The following LRP3 variants were observed in gnomAD, a reference collection of about 807,000 sequenced individuals.
LRP3 encodes the protein low-density lipoprotein receptor-related protein 3.
In LRP3, 49 loss-of-function variants were observed where a neutral mutation model predicts 58.5. The ratio of observed to expected loss-of-function variants is 0.84; its 90% CI spans 0.67 to 1.06. The LOEUF (loss-of-function observed/expected upper bound fraction) is 1.06. LRP3 is among the 50% of genes least tolerant of loss of function. LRP3 has a pLI of 0.00. For missense variants in LRP3, 1,019 were observed against 1,134.2 expected (o/e 0.90, Z 1.46); for synonymous variants, 485 against 492.2 (o/e 0.99, Z 0.20).
At chr19:33,203,437 G>A (rs2145454146) in intron 3 of LRP3, among the ~76,000 whole-genome samples, 1 of 152,346 alleles carries the variant, frequency 6.6e-6, no homozygotes, top group African/African-American at 2.4e-5. Context: ...GCACATGTAT[G>A]TGCACGAGCC....
At position 33,204,742 on chromosome 19, in the gene LRP3, C is replaced by T. The variant is rs761715674; in HGVS notation, c.365C>T (p.Ser122Phe). The T allele has an allele frequency of 6.2e-7, 1 of 1,612,420 alleles. No individual in the cohort carries two copies. Among genetic ancestry groups the T allele is most frequent in the Admixed American group, 1.7e-5 (1 of 60,026 alleles). The change falls in exon 4 of 7, where the codon TCC becomes TTC. Residue 122 changes from serine to phenylalanine, a missense_variant. By Grantham distance (155) the Ser-to-Phe change is radical (BLOSUM62 -2). Around this residue, in one of 2 missense-constraint regions of LRP3, gnomAD observed 592 missense variants for 725.5 expected, o/e 0.82. Transcript: ENST00000253193. ...PRQEAFRLCGSAIPPAFISAR... is the reference protein window; with the variant it reads ...PRQEAFRLCGFAIPPAFISAR... Reference sequence around the variant, plus strand: ...CAGGAGGCCTTCCGCCTCTGTGGCTCCGCCATCCCACCTGCCTTCATCTCT... The same window carrying T: ...CAGGAGGCCTTCCGCCTCTGTGGCTTCGCCATCCCACCTGCCTTCATCTCT...
Position 33,208,609 on chromosome 19 carries a change from G to A in LRP3, c.*1034G>A, listed in dbSNP as rs1974458542. ...CCAGCAACATGTGTGCACCCACCGA[G>A]GTACGCCCCAGCCACTCCCATCTGT... On this transcript the variant is annotated 3_prime_UTR_variant, in exon 7 of 7. Transcript: ENST00000253193. The surrounding 1 kb of genome is among the most constrained non-coding windows in gnomAD (Gnocchi z 4.7). 2.0e-6 allele frequency: 1 copy of A among 500,658 alleles called. No homozygotes were observed. Among genetic ancestry groups the A allele is most frequent in the Non-Finnish European group, 3.6e-6 (1 of 277,362 alleles). The allele number at this position is 500,658 out of a possible 1,614,324, so 31.0% of individuals were successfully genotyped here.
Position 33,207,079 on chromosome 19 carries a change from G to A in LRP3, c.1817G>A (p.Arg606His), listed in dbSNP as rs1192833824. 8.0e-6 allele frequency: 12 copies of A among 1,508,852 alleles called. No homozygotes were observed. The highest frequency in any genetic ancestry group is 5.7e-5 in the African/African-American group (4 of 70,426). 93.5% of individuals were successfully genotyped at this position (1,508,852 alleles called of 1,614,324 possible). A position where few individuals can be genotyped will look rare whatever the true frequency, so the allele number is the denominator to read the frequency against. Residue 606 changes from arginine to histidine, a missense_variant, in exon 7 of 7, where the codon CGC becomes CAC. Arg to His is a conservative substitution (Grantham distance 29). Coordinates refer to ENST00000253193, the MANE Select transcript of LRP3 (RefSeq NM_002333.4). Reference sequence around the variant, plus strand: ...GGGCCCTCCCGCCGCCGCCTCGGCCGCCTCTGGAACCGGCTCTTTCACCGG... The same window carrying A: ...GGGCCCTCCCGCCGCCGCCTCGGCCACCTCTGGAACCGGCTCTTTCACCGG... ...RRGPSRRRLG[R>H]LWNRLFHRPR...
At position 33,207,851 on chromosome 19, in the gene LRP3, C is replaced by T. The variant is rs1974445785; in HGVS notation, c.*276C>T. The T allele has an allele frequency of 1.9e-6, 1 of 513,362 alleles. No individual in the cohort carries two copies. Among genetic ancestry groups the T allele is most frequent in the East Asian group, 3.5e-5 (1 of 28,502 alleles). 31.8% of individuals were successfully genotyped at this position (513,362 alleles called of 1,614,324 possible). A position where few individuals can be genotyped will look rare whatever the true frequency, so the allele number is the denominator to read the frequency against. On this transcript the variant is annotated 3_prime_UTR_variant, in exon 7 of 7. Transcript: ENST00000253193. Reference sequence around the variant, plus strand: ...CTCTCCCCCCACTCCATTCTGGGAACCCATTTCCAGAGAAGCAGGGGACCA... The same window carrying T: ...CTCTCCCCCCACTCCATTCTGGGAATCCATTTCCAGAGAAGCAGGGGACCA...
rs990288501 is a variant in LRP3 at position 33,205,528 on chromosome 19, C to T, written c.758C>T (p.Ala253Val). The T allele has an allele frequency of 1.3e-5, 21 of 1,567,400 alleles. No individual in the cohort carries two copies. Among genetic ancestry groups the T allele is most frequent in the East Asian group, 4.6e-5 (2 of 43,658 alleles). ...GATGAGGCGGGCTGCCCCGACCTGG[C>T]GTGCGGCCGGCGGCTGGGCAGCTTC... Reference protein sequence around the residue: ...GSDEAGCPDLACGRRLGSFYG... With the variant: ...GSDEAGCPDLVCGRRLGSFYG... Residue 253 changes from alanine to valine, a missense_variant, in exon 5 of 7, where the codon GCG becomes GTG. By Grantham distance (64) the Ala-to-Val change is moderately conservative (BLOSUM62 0). Transcript: ENST00000253193.
chr19:33,206,929 A>G, intron 6 of LRP3, 59 bp from the exon 7 acceptor site: 1 of 1,306,748 alleles, frequency 7.7e-7, no homozygotes, highest in East Asian at 2.7e-5. Context: ...CCTGCCCCTG[A>G]GCAGCCTGTC....
chr19:33,200,556 C>T (rs1290430024), intron 2 of LRP3, among the ~76,000 whole-genome samples: 3 of 152,218 alleles, frequency 2.0e-5, no homozygotes, highest in Non-Finnish European at 2.9e-5. Flanking sequence ...CACCCTACAC[C>T]TCCCAAGGAA....
chr19:33,207,469 C>T lies in LRP3; in HGVS notation c.2207C>T (p.Thr736Ile), dbSNP rs746463064. Residue 736 changes from threonine to isoleucine, a missense_variant, in exon 7 of 7, where the codon ACC becomes ATC. Thr to Ile is a moderately conservative substitution (Grantham distance 89). Coordinates refer to ENST00000253193, the MANE Select transcript of LRP3 (RefSeq NM_002333.4). ...PHPQVSTASS[T>I]LGPHSPEPLG... Reference sequence around the variant, plus strand: ...CCCCAGGTCTCCACTGCCAGCAGCACCCTGGGCCCCCACTCGCCAGAGCCA... The same window carrying T: ...CCCCAGGTCTCCACTGCCAGCAGCATCCTGGGCCCCCACTCGCCAGAGCCA... The T allele has an allele frequency of 6.3e-7, 1 of 1,599,834 alleles. No individual in the cohort carries two copies. Among genetic ancestry groups the T allele is most frequent in the South Asian group, 1.1e-5 (1 of 90,094 alleles).
intron 1 of LRP3, among the ~76,000 whole-genome samples, chr19:33,195,164 A>G (rs1176397201): frequency 1.3e-5 from 2 of 152,052 alleles, no homozygotes; most frequent in Non-Finnish European, 2.9e-5. Flanking sequence ...CTGAGCCTGG[A>G]GACGAGGGGG....
In LRP3 at chr19:33,203,166, G is replaced by A. The variant is rs568454948; in HGVS notation, c.260+180G>A. ...ATGAGTGAGGCGTGTGTGAGCACTC[G>A]TGTGAACAGGTGTATGGGTGTGTGC... is the stretch of plus-strand genomic sequence containing the variant. On this transcript the variant is annotated intron_variant, in intron 3 of 6. Coordinates refer to ENST00000253193, the MANE Select transcript of LRP3 (RefSeq NM_002333.4). Among the ~76,000 whole-genome samples the A allele has an allele frequency of 6.4e-5, 8 of 124,174 alleles. No individual in the cohort carries two copies. The East Asian group carries it at 8.3e-4, about 13-fold the overall frequency. 81.5% of individuals were successfully genotyped at this position (124,174 alleles called of 152,430 possible).
intron 3 of LRP3, among the ~76,000 whole-genome samples, chr19:33,203,596 C>T (rs980071130): frequency 5.9e-5 from 9 of 152,194 alleles, no homozygotes; most frequent in African/African-American, 1.4e-4. Context: ...GCCTCTGTGG[C>T]GAGGTGCCCA....
At chr19:33,206,448 G>T in intron 5 of LRP3, 86 bp downstream of exon 5, 1 of 1,594,320 alleles carries the variant, frequency 6.3e-7, no homozygotes, top group Non-Finnish European at 8.5e-7. Context: ...GCAAACGGGG[G>T]CCTGGACTAG....
Position 33,207,757 on chromosome 19 carries a change from G to GTT in LRP3, c.*182_*183insTT, listed in dbSNP as rs1243112793. ...GGAGCTGTGGGACTGAACGGCGGGG[G>GTT]GGAGAAGAGTGGAGTGGTGAGCCCG... On this transcript the variant is annotated 3_prime_UTR_variant, in exon 7 of 7. Coordinates refer to ENST00000253193, the MANE Select transcript of LRP3 (RefSeq NM_002333.4). 2.2e-5 allele frequency: 13 copies of GTT among 599,080 alleles called. No homozygotes were observed. The African/African-American group carries it at 2.2e-4, about 10-fold the overall frequency. The allele number at this position is 599,080 out of a possible 1,614,324, so 37.1% of individuals were successfully genotyped here.
chr19:33,196,864 A>G (rs1974291077), intron 2 of LRP3, 87 bp downstream of exon 2: 1 of 1,241,218 alleles, frequency 8.1e-7, no homozygotes, highest in Admixed American at 1.7e-5. Flanking sequence ...GGGTCCTGGC[A>G]CTACCCCGAG....
At chr19:33,201,897 C>T (rs187245911) in intron 2 of LRP3, among the ~76,000 whole-genome samples, 3 of 152,230 alleles carry the variant, frequency 2.0e-5, no homozygotes, top group Admixed American at 6.5e-5. Context: ...TGGATTAAAG[C>T]GAGGCCCATG....
Position 33,207,850 on chromosome 19 carries a change from A to T in LRP3, c.*275A>T. The T allele has an allele frequency of 2.0e-6, 1 of 509,592 alleles. No homozygotes were observed. The highest frequency in any genetic ancestry group is 3.8e-5 in the Admixed American group (1 of 26,324). 31.6% of individuals were successfully genotyped at this position (509,592 alleles called of 1,614,324 possible). On this transcript the variant is annotated 3_prime_UTR_variant, in exon 7 of 7. Transcript: ENST00000253193. ...TCTCTCCCCCCACTCCATTCTGGGA[A>T]CCCATTTCCAGAGAAGCAGGGGACC...
chr19:33,196,471 T>C (rs1599931599), intron 1 of LRP3, among the ~76,000 whole-genome samples: 1 of 152,184 alleles, frequency 6.6e-6, no homozygotes, highest in Non-Finnish European at 1.5e-5. Context: ...GGTGGGAGGA[T>C]TGCTTGAGCT....
In LRP3 at chr19:33,204,195, C is replaced by T. The variant is rs1035530108; in HGVS notation, c.261-443C>T. The T allele has an allele frequency of 2.2e-5, 4 of 181,908 alleles. No homozygotes were observed. The South Asian group carries it at 5.3e-4, about 24-fold the overall frequency. 11.3% of individuals were successfully genotyped at this position (181,908 alleles called of 1,614,324 possible). Reference sequence around the variant, plus strand: ...AGCCAGCCCCGTGGGCAGTCTCACCCTCACTTCCCATGCCTGGGACTTTGT... The same window carrying T: ...AGCCAGCCCCGTGGGCAGTCTCACCTTCACTTCCCATGCCTGGGACTTTGT... On this transcript the variant is annotated intron_variant, in intron 3 of 6. Transcript: ENST00000253193.
At position 33,208,625 on chromosome 19, in the gene LRP3, T is replaced by G. The variant is rs1974459008; in HGVS notation, c.*1050T>G. The G allele has an allele frequency of 5.7e-6, 3 of 528,176 alleles. No individual in the cohort carries two copies. In the South Asian group the frequency reaches 6.3e-5, roughly 11 times the overall value. The allele number at this position is 528,176 out of a possible 1,614,324, so 32.7% of individuals were successfully genotyped here. ...ACCCACCGAGGTACGCCCCAGCCACTCCCATCTGTGCCCATCAGGGACTCC... is the reference window on the plus strand; with the variant it reads ...ACCCACCGAGGTACGCCCCAGCCACGCCCATCTGTGCCCATCAGGGACTCC... On this transcript the variant is annotated 3_prime_UTR_variant, in exon 7 of 7. Transcript: ENST00000253193. This position sits in a 1 kb window ranked among gnomAD's most constrained non-coding sequence, Gnocchi z 4.7.
Sources: gnomAD v4.1 joint callset for allele counts (sites outside exome capture counted in the v4.1 genomes callset) on GRCh38, gnomAD v4.1.1 for gene constraint, gnomAD v4.1.1 regional missense constraint, Gnocchi (gnomAD v3.1) non-coding constraint, MANE v1.5 for transcripts, NCBI Gene and HGNC (gene_info 2026-07-23, HGNC 2026-07-21) for gene names.